TTC6: variants seen among roughly 807,000 people sequenced by gnomAD.
TTC6 encodes tetratricopeptide repeat domain 6.
In TTC6, 172 loss-of-function variants were observed where a neutral mutation model predicts 210.4. The ratio of observed to expected loss-of-function variants is 0.82; its 90% CI spans 0.72 to 0.93. The LOEUF (loss-of-function observed/expected upper bound fraction) is 0.93, where lower values mean the gene tolerates loss of function less well. Among genes scored for constraint, TTC6 ranks in the 40% least tolerant of loss-of-function variants. The probability of loss-of-function intolerance (pLI) is 0.00; values close to 1 mark genes in which losing one functional copy is unlikely to be tolerated. For missense variants in TTC6, 2,414 were observed against 2,318.1 expected, an observed-to-expected ratio of 1.04 and a Z score of -0.85; for synonymous variants, 804 against 819.6, an observed-to-expected ratio of 0.98 and a Z score of 0.32.
chr14:37,801,518 A>G (rs1007425712), intron 20 of TTC6, among the ~76,000 whole-genome samples: 2 of 152,140 alleles, frequency 1.3e-5, no homozygotes, highest in Non-Finnish European at 2.9e-5. Flanking sequence ...AGAATATGGC[A>G]AAATTGGTGG....
At chr14:37,698,803 A>G (rs2095819491) in intron 4 of TTC6, among the ~76,000 whole-genome samples, 1 of 152,036 alleles carries the variant, frequency 6.6e-6, no homozygotes, top group African/African-American at 2.4e-5. Context: ...AAAATAAACC[A>G]TTTCTTGAGA....
chr14:37,708,964 A>G lies in TTC6; in HGVS notation c.1572-5691A>G, dbSNP rs182013138. Among the ~76,000 whole-genome samples, 5 of 152,076 alleles carry G rather than the reference A, an allele frequency of 3.3e-5. No individual in the cohort carries two copies. The East Asian group carries it at 7.8e-4, about 24-fold the overall frequency. On this transcript the variant is annotated intron_variant, in intron 5 of 30. Coordinates refer to ENST00000553443, the Ensembl canonical transcript of TTC6. ...TTGCCCCCCACCCAAATGTGCCATC[A>G]TCTCATGCTAGACCTTTCTAATTAC...
chr14:37,774,970 A>G (rs954379066), intron 14 of TTC6, among the ~76,000 whole-genome samples: 4 of 151,990 alleles, frequency 2.6e-5, no homozygotes, highest in Non-Finnish European at 5.9e-5. Flanking sequence ...TTGGGAGGGT[A>G]TATGTTTCCA....
At chr14:37,842,156 C>T (rs2139066039) in exon 31 of TTC6, 1 of 1,537,018 alleles carries the variant, frequency 6.5e-7, no homozygotes, top group Non-Finnish European at 8.7e-7. Context: ...CTTTTGCAGC[C>T]CTGTCTTTGA....
intron 14 of TTC6, among the ~76,000 whole-genome samples, chr14:37,763,495 T>C (rs1480353325): frequency 2.6e-5 from 4 of 152,180 alleles, no homozygotes; most frequent in Non-Finnish European, 4.4e-5. Flanking sequence ...ATATGATCTA[T>C]TCAGGCTTTC....
chr14:37,655,196 T>C (rs2095719754), intron 1 of TTC6, among the ~76,000 whole-genome samples: 1 of 152,164 alleles, frequency 6.6e-6, no homozygotes, highest in Non-Finnish European at 1.5e-5. Flanking sequence ...AATACCACCC[T>C]TGAATTATCA....
chr14:37,787,487 T>G (rs940833450), exon 15 of TTC6: 4 of 1,527,962 alleles, frequency 2.6e-6, no homozygotes, highest in Non-Finnish European at 3.5e-6. Context: ...AGGGATTGCA[T>G]ATGTTAAATG....
intron 4 of TTC6, among the ~76,000 whole-genome samples, chr14:37,699,629 A>G (rs2138670352): frequency 6.6e-6 from 1 of 152,282 alleles, no homozygotes; most frequent in Non-Finnish European, 1.5e-5. Context: ...GCTCAACCCA[A>G]CTGGTGAACG....
intron 1 of TTC6, among the ~76,000 whole-genome samples, chr14:37,665,016 G>T (rs1172508975): frequency 1.3e-5 from 2 of 150,676 alleles, no homozygotes; most frequent in African/African-American, 4.8e-5. Context: ...TGGAGAGGTT[G>T]TGGAGAAAAA....
At chr14:37,610,000 C>G (rs1046343936) in intron 2 of TTC6, among the ~76,000 whole-genome samples, 2 of 152,146 alleles carry the variant, frequency 1.3e-5, no homozygotes, top group Non-Finnish European at 2.9e-5. Flanking sequence ...ATTCAGCAAC[C>G]ATTTTTGAAC....
rs533595198 is a variant in TTC6 at position 37,755,156 on chromosome 14, A to G, written c.3266+1921A>G. ...GATTTGCATTGATGATCTTTTTTTC[A>G]TATGTTTGTTGGCTTCATAAATGTC... is the stretch of plus-strand genomic sequence containing the variant. On this transcript the variant is annotated intron_variant, in intron 14 of 30. Coordinates refer to ENST00000553443, the Ensembl canonical transcript of TTC6. Among the ~76,000 whole-genome samples, 15 of 151,788 alleles carry G rather than the reference A, an allele frequency of 9.9e-5. No individual in the cohort carries two copies. The South Asian group carries it at 2.7e-3, about 27-fold the overall frequency.
At chr14:37,731,450 A>C (rs1212117466) in intron 7 of TTC6, among the ~76,000 whole-genome samples, 2 of 152,230 alleles carry the variant, frequency 1.3e-5, no homozygotes, top group Non-Finnish European at 2.9e-5. Context: ...CTTGAAAAGG[A>C]AACTTCTTTA....
In TTC6 at chr14:37,622,597, T is replaced by C. The variant is rs756558647; in HGVS notation, c.533T>C (p.Val178Ala). ...TCGCGGCACGCGGCTCCCAGGCGGG[T>C]CTTCCACTTGGGAAGGGAGCGCGAA... Residue 178 changes from valine (V) to alanine (A), a missense_variant, in exon 1 of 31, where the codon GTC (valine) becomes GCC (alanine). Coordinates refer to ENST00000553443, the Ensembl canonical transcript of TTC6. 8.5e-6 allele frequency: 13 copies of C among 1,534,302 alleles called. No individual in the cohort carries two copies. In the South Asian group the frequency reaches 1.5e-4, roughly 18 times the overall value.
intron 1 of TTC6, among the ~76,000 whole-genome samples, chr14:37,624,772 C>G (rs1050420801): frequency 6.6e-6 from 1 of 152,052 alleles, no homozygotes; most frequent in Non-Finnish European, 1.5e-5. Flanking sequence ...CAGCCGCCCA[C>G]CACTATGCCC....
chr14:37,841,747 A>G, intron 30 of TTC6, 77 bp downstream of exon 32: 1 of 1,109,972 alleles, frequency 9.0e-7, no homozygotes. Flanking sequence ...GAAGAAAATC[A>G]TTAGGTCTAT....
At chr14:37,634,985 C>T (rs1365954959) in intron 1 of TTC6, among the ~76,000 whole-genome samples, 2 of 151,922 alleles carry the variant, frequency 1.3e-5, no homozygotes, top group Non-Finnish European at 2.9e-5. Context: ...GTTCTCTAAA[C>T]AGAAAAGATT....
intron 1 of TTC6, among the ~76,000 whole-genome samples, chr14:37,656,170 C>G (rs775486034): frequency 6.6e-6 from 1 of 152,074 alleles, no homozygotes. Flanking sequence ...ATCAAAAATC[C>G]AGGTGTAGCA....
At chr14:37,790,331 C>A (rs1029941700) in intron 15 of TTC6, among the ~76,000 whole-genome samples, 4 of 152,134 alleles carry the variant, frequency 2.6e-5, no homozygotes, top group Non-Finnish European at 4.4e-5. Flanking sequence ...CATCAAGGGT[C>A]ATGGCACCCT....
At chr14:37,630,907 G>GTTTTTTTTTTTGTTTTT (rs2095668331) in intron 1 of TTC6, among the ~76,000 whole-genome samples, 1 of 33,064 alleles carries the variant, frequency 3.0e-5, no homozygotes, top group Non-Finnish European at 5.1e-5. Context: ...GGCAACCCCT[G>GTTTTTTTTTTTGTTTTT]TTTTTTTTTT....
Sources: gnomAD v4.1 joint callset for allele counts (sites outside exome capture counted in the v4.1 genomes callset) on GRCh38, gnomAD v4.1.1 for gene constraint, MANE v1.5 for transcripts, NCBI Gene and HGNC (gene_info 2026-07-23, HGNC 2026-07-21) for gene names.